The following ENTPD4 variants were observed in gnomAD, a reference collection of about 807,000 sequenced individuals.
The protein encoded by ENTPD4 is ectonucleoside triphosphate diphosphohydrolase 4, also known as Golgi UDPase.
In ENTPD4, 60 loss-of-function variants were observed where a neutral mutation model predicts 79.1. The ratio of observed to expected loss-of-function variants is 0.76; its 90% confidence interval spans 0.62 to 0.94. The LOEUF (loss-of-function observed/expected upper bound fraction) is 0.94, where lower values mean the gene tolerates loss of function less well. ENTPD4 is among the 40% of genes least tolerant of loss of function. The pLI, the probability that ENTPD4 is intolerant of heterozygous loss-of-function variation, is 0.00. For missense variants in ENTPD4, 772 were observed against 775.1 expected, an observed-to-expected ratio of 1.00 and a Z score of 0.05; for synonymous variants, 276 against 292.0, an observed-to-expected ratio of 0.95 and a Z score of 0.56.
Position 23,443,948 on chromosome 8 carries a change from T to C in ENTPD4, c.569A>G (p.Gln190Arg), listed in dbSNP as rs1260141856. 3 of 1,607,124 alleles carry C rather than the reference T, an allele frequency of 1.9e-6. No homozygotes were observed. Among genetic ancestry groups the C allele is most frequent in the South Asian group, 2.2e-5 (2 of 90,654 alleles). Residue 190 changes from glutamine to arginine, a missense_variant, in exon 6 of 13, where the codon CAG (glutamine) becomes CGG (arginine). Transcript: ENST00000358689. ...CAGAAGGTCTTCCAGAATAGCTTTC[T>C]GCTGGCTGTAAAGTAATAAAAACAT... is the stretch of plus-strand genomic sequence containing the variant. ...AGMRILPESQ[Q>R]KAILEDLLTD...
intron 7 of ENTPD4, 69 bp from the exon 8 acceptor site, chr8:23,441,792 C>A: frequency 6.5e-7 from 1 of 1,530,028 alleles, no homozygotes; most frequent in Non-Finnish European, 8.9e-7. Flanking sequence ...TGAAGAGTCA[C>A]CTTCTTTTCA....
Position 23,444,598 on chromosome 8 carries a change from C to T in ENTPD4, c.421G>A (p.Glu141Lys), listed in dbSNP as rs1307710768. 6.2e-7 allele frequency: 1 copy of T among 1,613,836 alleles called. No individual in the cohort carries two copies. The highest frequency in any genetic ancestry group is 8.5e-7 in the Non-Finnish European group (1 of 1,179,834). The change falls in exon 5 of 13, where the codon GAA (glutamate) becomes AAA (lysine). Residue 141 changes from glutamate (E) to lysine (K), a missense_variant. Coordinates refer to ENST00000358689, the MANE Select transcript of ENTPD4 (RefSeq NM_004901.5). ...ACTTTCTCTGGAGAGGTAGCAAATT[C>T]TGAAATGCCTAGAGAAACAGGATAC... ...VVMKIKPGIS[E>K]FATSPEKVSD...
chr8:23,440,257 G>A (rs755470593), intron 8 of ENTPD4, among the ~76,000 whole-genome samples: 2 of 152,190 alleles, frequency 1.3e-5, no homozygotes, highest in African/African-American at 2.4e-5. Flanking sequence ...GTCATTCTGT[G>A]ACAGAAAAAA....
chr8:23,441,873 C>A, intron 7 of ENTPD4, 134 bp downstream of exon 7: 1 of 1,121,042 alleles, frequency 8.9e-7, no homozygotes, highest in Non-Finnish European at 1.3e-6. Context: ...GAATTACGTT[C>A]AACTGCAGCT....
Position 23,449,750 on chromosome 8 carries a change from G to A in ENTPD4, c.8+143C>T, listed in dbSNP as rs1427924301. The stretch of plus-strand genomic sequence containing the variant: ...GCTTCATGCATTAAAATACCTCACT[G>A]GGCCCTGGAAGAAAAAAGGTCTTAA... On this transcript the variant is annotated intron_variant, in intron 2 of 12. Transcript: ENST00000358689. The A allele has an allele frequency of 5.4e-5, 39 of 716,232 alleles. 2 individuals carry two copies. The highest frequency in any genetic ancestry group is 5.4e-4 in the South Asian group (35 of 64,772). 44.4% of individuals were successfully genotyped at this position (716,232 alleles called of 1,614,324 possible).
chr8:23,444,401 C>T (rs1349624069), intron 5 of ENTPD4, 55 bp downstream of exon 5: 6 of 1,502,844 alleles, frequency 4.0e-6, no homozygotes, highest in Admixed American at 3.5e-5. Context: ...GAGAAGAACA[C>T]CCCCTCTCCC....
At chr8:23,435,928 T>G (rs1800548935) in intron 10 of ENTPD4, among the ~76,000 whole-genome samples, 1 of 152,246 alleles carries the variant, frequency 6.6e-6, no homozygotes, top group African/African-American at 2.4e-5. Flanking sequence ...TTGAAGTTAT[T>G]TGTTATAATA....
At chr8:23,433,219 CA>C (rs1800492499) in intron 12 of ENTPD4, 65 bp from the exon 13 acceptor site, 6 of 1,425,056 alleles carry the variant, frequency 4.2e-6, no homozygotes, top group Middle Eastern at 1.7e-4. Context: ...AAAGGGTGCA[CA>C]GGGGGACGGC....
chr8:23,448,801 A>C lies in ENTPD4; in HGVS notation c.147T>G (p.Phe49Leu). The C allele has an allele frequency of 6.2e-7, 1 of 1,614,174 alleles. No homozygotes were observed. Reference sequence around the variant, plus strand: ...ACTTATTTCGGATTATGACAACAGAAAAATATAAAAGTGAAACAGCAGCAG... The same window carrying C: ...ACTTATTTCGGATTATGACAACAGACAAATATAAAAGTGAAACAGCAGCAG... ...VLAAAVSLLY[F>L]SVVIIRNKYG... Residue 49 changes from phenylalanine to leucine, a missense_variant, in exon 3 of 13, where the codon TTT becomes TTG. Physicochemically the swap from Phe to Leu is conservative, Grantham distance 22. Coordinates refer to ENST00000358689, the MANE Select transcript of ENTPD4 (RefSeq NM_004901.5).
At position 23,432,843 on chromosome 8, in the gene ENTPD4, C is replaced by A; in HGVS notation, c.*83G>T. 1 of 1,458,120 alleles carries A rather than the reference C, an allele frequency of 6.9e-7. No individual in the cohort carries two copies. Among genetic ancestry groups the A allele is most frequent in the South Asian group, 1.4e-5 (1 of 69,266 alleles). 90.3% of individuals were successfully genotyped at this position (1,458,120 alleles called of 1,614,324 possible). ...AGGAACAAAAAAGGGAAAGAAAAAA[C>A]AAAACCACAGGAAAATAAAGAGGAG... On this transcript the variant is annotated 3_prime_UTR_variant, in exon 13 of 13. Coordinates refer to ENST00000358689, the MANE Select transcript of ENTPD4 (RefSeq NM_004901.5).
chr8:23,452,447 G>T (rs973775082), intron 1 of ENTPD4, among the ~76,000 whole-genome samples: 1 of 152,174 alleles, frequency 6.6e-6, no homozygotes. Flanking sequence ...TCATGATTTA[G>T]TCCGGTGCTG....
intron 4 of ENTPD4, among the ~76,000 whole-genome samples, chr8:23,446,995 TGATCAAC>T (rs1297801267): frequency 6.6e-6 from 1 of 152,194 alleles, no homozygotes; most frequent in African/African-American, 2.4e-5. Context: ...TTGAAATCAG[TGATCAAC>T]TATCAAGACA....
chr8:23,432,269 T>C lies in ENTPD4; in HGVS notation c.*657A>G, dbSNP rs1800468363. 1 of 985,274 alleles carries C rather than the reference T, an allele frequency of 1.0e-6. No homozygotes were observed. Among genetic ancestry groups the C allele is most frequent in the Admixed American group, 6.1e-5 (1 of 16,262 alleles). 61.0% of individuals were successfully genotyped at this position (985,274 alleles called of 1,614,324 possible). A position where few individuals can be genotyped will look rare whatever the true frequency, so the allele number is the denominator to read the frequency against. ...TTTTTTGGTTCTATGAAAGCATCAC[T>C]ATTCAGTCCCCTCTCCACTGACAGA... On this transcript the variant is annotated 3_prime_UTR_variant, in exon 13 of 13. Coordinates refer to ENST00000358689, the MANE Select transcript of ENTPD4 (RefSeq NM_004901.5).
intron 1 of ENTPD4, among the ~76,000 whole-genome samples, chr8:23,451,323 A>G (rs1443140834): frequency 6.6e-6 from 1 of 152,038 alleles, no homozygotes; most frequent in African/African-American, 2.4e-5. Flanking sequence ...CCTGGCCCCA[A>G]ATGTAATTTC....
At chr8:23,444,677 G>T in intron 4 of ENTPD4, 71 bp from the exon 5 acceptor site, 1 of 1,380,416 alleles carries the variant, frequency 7.2e-7, no homozygotes, top group Non-Finnish European at 1.0e-6. Context: ...CTTCAGAGTG[G>T]CTAATTTTAG....
chr8:23,441,600 G>T lies in ENTPD4; in HGVS notation c.851C>A (p.Pro284His). ...TGAGGACGCAAAGCTTACAGTTTTGGGGACTTCGTACGCTATCTGAGTCGA... is the reference window on the plus strand; with the variant it reads ...TGAGGACGCAAAGCTTACAGTTTTGTGGACTTCGTACGCTATCTGAGTCGA... ...GVSTQIAYEVPKTVSFASSQQ... is the reference protein window; with the variant it reads ...GVSTQIAYEVHKTVSFASSQQ... Residue 284 changes from proline (P) to histidine (H), a missense_variant, in exon 8 of 13, where the codon CCC (proline) becomes CAC (histidine). Coordinates refer to ENST00000358689, the MANE Select transcript of ENTPD4 (RefSeq NM_004901.5). 2 of 1,614,132 alleles carry T rather than the reference G, an allele frequency of 1.2e-6. No homozygotes were observed. The highest frequency in any genetic ancestry group is 1.7e-6 in the Non-Finnish European group (2 of 1,180,018).
intron 12 of ENTPD4, 182 bp downstream of exon 12, chr8:23,434,135 G>A (rs113956194): frequency 2.9e-6 from 2 of 685,714 alleles, no homozygotes; most frequent in Admixed American, 2.8e-5. Context: ...GGTAGGGTGA[G>A]AAGGGAGGAA....
chr8:23,433,209 A>AT, intron 12 of ENTPD4, 55 bp from the exon 13 acceptor site: 1 of 1,523,614 alleles, frequency 6.6e-7, no homozygotes, highest in South Asian at 1.1e-5. Flanking sequence ...AAAGGGGTGG[A>AT]AAGGGTGCAC....
At chr8:23,441,035 T>C (rs1346611525) in intron 8 of ENTPD4, among the ~76,000 whole-genome samples, 2 of 152,172 alleles carry the variant, frequency 1.3e-5, no homozygotes, top group Admixed American at 1.3e-4. Context: ...AATTCAGAAA[T>C]ACATCTGGAA....
Sources: allele counts gnomAD v4.1 joint callset (sites outside exome capture counted in the v4.1 genomes callset), GRCh38; gene constraint gnomAD v4.1.1; transcripts MANE v1.5; gene names NCBI Gene and HGNC (gene_info 2026-07-23, HGNC 2026-07-21).